Variants in PCDHGA7 observed in about 807,000 individuals in gnomAD.
PCDHGA7 encodes protocadherin gamma subfamily A, 7, also known as protocadherin gamma-A7.
A neutral mutation model predicts 58.3 loss-of-function variants in PCDHGA7; 44 were observed. The ratio of observed to expected loss-of-function variants is 0.75; its 90% CI spans 0.59 to 0.97. The LOEUF (loss-of-function observed/expected upper bound fraction) is 0.97. Ranked by LOEUF, PCDHGA7 falls within the 50% of genes least tolerant of loss-of-function variation. PCDHGA7 has a pLI of 0.00. For synonymous variants in PCDHGA7, 516 were observed against 504.2 expected (o/e 1.02, Z -0.31); for missense variants, 1,266 against 1,188.7 (o/e 1.06, Z -0.96).
chr5:141,464,328 C>T (rs2099081878), intron 1 of PCDHGA7, among the ~76,000 whole-genome samples: 1 of 150,722 alleles, frequency 6.6e-6, no homozygotes, highest in Admixed American at 6.6e-5. Context: ...CTGTTCAACC[C>T]ATCTATGACT....
Position 141,432,826 on chromosome 5 carries a change from CACTCTGTACCT to C in PCDHGA7, c.2424+47504_2424+47514del, listed in dbSNP as rs1251102522. 6.2e-7 allele frequency: 1 copy of C among 1,614,096 alleles called. No homozygotes were observed. Among genetic ancestry groups the C allele is most frequent in the Non-Finnish European group, 8.5e-7 (1 of 1,180,020 alleles). On this transcript the variant is annotated intron_variant, in intron 1 of 3. Coordinates refer to ENST00000518325, the MANE Select transcript of PCDHGA7 (RefSeq NM_018920.4). This position sits in a 1 kb window ranked among gnomAD's most constrained non-coding sequence, Gnocchi z 6.0. Reference sequence around the variant, plus strand: ...CAGCTAACTCTGAAACCTCAGACCTCACTCTGTACCTGGTGGTAGCGGTGGCCGCGGTCTCC... The same window carrying C: ...CAGCTAACTCTGAAACCTCAGACCTCGGTGGTAGCGGTGGCCGCGGTCTCC...
At chr5:141,422,280 C>A in intron 1 of PCDHGA7, 1 of 1,557,754 alleles carries the variant, frequency 6.4e-7, no homozygotes, top group Non-Finnish European at 8.6e-7. Context: ...TAACTATCAC[C>A]TCTTCTATTA....
chr5:141,414,469 G>T (rs944183814), intron 1 of PCDHGA7: 1 of 1,613,742 alleles, frequency 6.2e-7, no homozygotes, highest in African/African-American at 1.3e-5. Context: ...CACAGATGGG[G>T]GAAGTCCTCC....
chr5:141,504,956 G>A (rs1327603937), intron 2 of PCDHGA7, among the ~76,000 whole-genome samples: 1 of 152,096 alleles, frequency 6.6e-6, no homozygotes, highest in Non-Finnish European at 1.5e-5. Context: ...TATGTTCAAT[G>A]CATTGGACCA....
At chr5:141,399,901 G>A (rs767228671) in intron 1 of PCDHGA7, 42 of 1,612,296 alleles carry the variant, frequency 2.6e-5, no homozygotes, top group African/African-American at 1.3e-5. Flanking sequence ...GGCCGTGGAC[G>A]CAGACTCAGG....
chr5:141,400,803 A>G, intron 1 of PCDHGA7: 1 of 556,958 alleles, frequency 1.8e-6, no homozygotes, highest in South Asian at 2.5e-5. Context: ...CTCAAAGCTA[A>G]TGAATTTTAC....
chr5:141,490,454 CG>C lies in PCDHGA7; in HGVS notation c.2425-4352del. ...ATTAAGCCTTCTGAGAACCACTACT[CG>C]CTGCTAACCAGCCAGCCTTTGGACC... On this transcript the variant is annotated intron_variant, in intron 1 of 3. Coordinates refer to ENST00000518325, the MANE Select transcript of PCDHGA7 (RefSeq NM_018920.4). This position sits in a 1 kb window ranked among gnomAD's most constrained non-coding sequence, Gnocchi z 5.4. The C allele has an allele frequency of 1.2e-6, 2 of 1,614,176 alleles. No individual in the cohort carries two copies. Among genetic ancestry groups the C allele is most frequent in the Non-Finnish European group, 1.7e-6 (2 of 1,180,020 alleles).
intron 1 of PCDHGA7, chr5:141,413,709 C>T (rs998398149): frequency 2.4e-5 from 39 of 1,613,536 alleles, no homozygotes; most frequent in Non-Finnish European, 3.3e-5. Flanking sequence ...AGCTCAGCCC[C>T]AATAAGCACT....
chr5:141,451,593 C>A (rs2098719809), intron 1 of PCDHGA7, among the ~76,000 whole-genome samples: 1 of 152,042 alleles, frequency 6.6e-6, no homozygotes, highest in African/African-American at 2.4e-5. Context: ...TTGAAAGTGA[C>A]ATACAAGGCT....
At chr5:141,419,584 C>T in intron 1 of PCDHGA7, 1 of 1,611,798 alleles carries the variant, frequency 6.2e-7, no homozygotes, top group Non-Finnish European at 8.5e-7. Context: ...CCGCGCTCTT[C>T]GACACAGTGC....
At chr5:141,408,104 C>A (rs546603908) in intron 1 of PCDHGA7, 5 of 1,441,798 alleles carry the variant, frequency 3.5e-6, no homozygotes, top group Non-Finnish European at 2.7e-6. Flanking sequence ...CTCCGAGACC[C>A]GGGACTCCTC....
intron 1 of PCDHGA7, among the ~76,000 whole-genome samples, chr5:141,469,859 A>C (rs2099213257): frequency 6.6e-6 from 1 of 152,080 alleles, no homozygotes; most frequent in Non-Finnish European, 1.5e-5. Context: ...GACCGGGTGC[A>C]ATGGCTCACG....
intron 1 of PCDHGA7, chr5:141,423,309 G>T (rs1401836240): frequency 6.2e-7 from 1 of 1,614,176 alleles, no homozygotes; most frequent in South Asian, 1.1e-5. Context: ...CGCTGTACTT[G>T]GTGGTGGCGG....
intron 1 of PCDHGA7, chr5:141,409,824 C>A (rs1265260597): frequency 6.2e-7 from 1 of 1,610,742 alleles, no homozygotes; most frequent in Non-Finnish European, 8.5e-7. Flanking sequence ...GGCTCGCCCA[C>A]GCTCAGCGCC....
chr5:141,397,975 G>T, intron 1 of PCDHGA7: 4 of 1,189,018 alleles, frequency 3.4e-6, no homozygotes, highest in Non-Finnish European at 4.6e-6. Flanking sequence ...CCCCAGCGCC[G>T]GCCTTTACAC....
At chr5:141,407,385 T>A (rs1306044111) in intron 1 of PCDHGA7, among the ~76,000 whole-genome samples, 1 of 152,228 alleles carries the variant, frequency 6.6e-6, no homozygotes, top group South Asian at 2.1e-4. Flanking sequence ...GGCTTGTATG[T>A]CATGGTAGGT....
Position 141,421,056 on chromosome 5 carries a change from A to G in PCDHGA7, c.2424+35733A>G, listed in dbSNP as rs1378326708. On this transcript the variant is annotated intron_variant, in intron 1 of 3. Coordinates refer to ENST00000518325, the MANE Select transcript of PCDHGA7 (RefSeq NM_018920.4). ...TCCCTCCCTCCCCCGCCTCTACCACACAAAGCGGAATGAGATGGATACTCA... is the reference window on the plus strand; with the variant it reads ...TCCCTCCCTCCCCCGCCTCTACCACGCAAAGCGGAATGAGATGGATACTCA... 5 of 576,490 alleles carry G rather than the reference A, an allele frequency of 8.7e-6. No individual in the cohort carries two copies. In the East Asian group the frequency reaches 9.2e-5, roughly 11 times the overall value. The allele number at this position is 576,490 out of a possible 1,614,324, so 35.7% of individuals were successfully genotyped here. A position where few individuals can be genotyped will look rare whatever the true frequency, so the allele number is the denominator to read the frequency against.
At chr5:141,478,333 G>C in intron 1 of PCDHGA7, 5 of 1,613,928 alleles carry the variant, frequency 3.1e-6, no homozygotes, top group Non-Finnish European at 4.2e-6. Flanking sequence ...GAACACCAGG[G>C]CCCTCCTTGC....
intron 1 of PCDHGA7, among the ~76,000 whole-genome samples, chr5:141,430,347 A>C (rs2097274758): frequency 6.6e-6 from 1 of 151,944 alleles, no homozygotes; most frequent in Non-Finnish European, 1.5e-5. Flanking sequence ...CTTCCAATTC[A>C]TTTAAAAGCT....
Sources: allele counts gnomAD v4.1 joint callset (sites outside exome capture counted in the v4.1 genomes callset), GRCh38; gene constraint gnomAD v4.1.1; non-coding constraint Gnocchi (gnomAD v3.1); transcripts MANE v1.5; gene names NCBI Gene and HGNC (gene_info 2026-07-23, HGNC 2026-07-21).